MAGI3: variants seen among roughly 807,000 people sequenced by gnomAD.
The protein encoded by MAGI3 is membrane associated guanylate kinase, WW and PDZ domain containing 3, also known as membrane-associated guanylate kinase, WW and PDZ domain-containing protein 3.
In MAGI3, 43 loss-of-function variants were observed where a neutral mutation model predicts 121.8. The ratio of observed to expected loss-of-function variants is 0.35; its 90% CI spans 0.28 to 0.46. The LOEUF (loss-of-function observed/expected upper bound fraction) is 0.46, where lower values mean the gene tolerates loss of function less well. MAGI3 is among the 20% of genes least tolerant of loss of function. MAGI3 has a pLI of 1.00. For synonymous variants in MAGI3, 553 were observed against 639.3 expected (o/e 0.86, Z 2.04); for missense variants, 1,547 against 1,797.3 (o/e 0.86, Z 2.52).
At chr1:113,531,266 T>C (rs1658706680) in intron 1 of MAGI3, among the ~76,000 whole-genome samples, 1 of 152,244 alleles carries the variant, frequency 6.6e-6, no homozygotes, top group South Asian at 2.1e-4. Flanking sequence ...AACAATTATT[T>C]AGAATTTAGA....
At chr1:113,437,889 TCTC>T (rs1557757267) in intron 1 of MAGI3, among the ~76,000 whole-genome samples, 10 of 3,706 alleles carry the variant, frequency 2.7e-3, no homozygotes, top group Admixed American at 4.3e-3. Context: ...TCCTTCTCCT[TCTC>T]CTTCTCCTTC....
At chr1:113,405,986 C>G (rs2027537) in intron 1 of MAGI3, among the ~76,000 whole-genome samples, 23,588 of 151,848 alleles carry the variant, frequency 0.16, 2,831 homozygotes, top group East Asian at 0.63. Context: ...CCAGAACATC[C>G]GTATATATGT....
rs1453998554 is a variant in MAGI3 at position 113,651,261 on chromosome 1, C to T, written c.2440+55C>T. On this transcript the variant is annotated intron_variant, in intron 14 of 20. Transcript: ENST00000307546. ...TTAAAAAAGAAACAAAGATACTAGT[C>T]TACTTCCTGTGTAGTTTTGCAGGTT... is the stretch of plus-strand genomic sequence containing the variant. 5 of 1,487,882 alleles carry T rather than the reference C, an allele frequency of 3.4e-6. No homozygotes were observed. In the East Asian group the frequency reaches 1.1e-4, roughly 34 times the overall value. The allele number at this position is 1,487,882 out of a possible 1,614,324, so 92.2% of individuals were successfully genotyped here.
intron 2 of MAGI3, among the ~76,000 whole-genome samples, chr1:113,573,918 G>T (rs1354420966): frequency 6.6e-6 from 1 of 152,146 alleles, no homozygotes; most frequent in Non-Finnish European, 1.5e-5. Context: ...AGCTCTTGTT[G>T]CATGGATCCC....
At chr1:113,436,106 G>T (rs1194001218) in intron 1 of MAGI3, among the ~76,000 whole-genome samples, 1 of 151,960 alleles carries the variant, frequency 6.6e-6, no homozygotes, top group Non-Finnish European at 1.5e-5. Flanking sequence ...TCAAAATGAT[G>T]AATAATTGTT....
chr1:113,469,721 G>C (rs982418465), intron 1 of MAGI3, among the ~76,000 whole-genome samples: 9 of 152,036 alleles, frequency 5.9e-5, no homozygotes, highest in African/African-American at 2.2e-4. Flanking sequence ...AGAGATTTCT[G>C]CTTGGTAATA....
At chr1:113,582,488 A>G (rs951671437) in intron 3 of MAGI3, among the ~76,000 whole-genome samples, 18 of 152,074 alleles carry the variant, frequency 1.2e-4, no homozygotes, top group Non-Finnish European at 1.5e-4. Flanking sequence ...AGGTCTTAAG[A>G]GGCATAAAAA....
chr1:113,449,781 A>G, intron 1 of MAGI3: 1 of 1,078,106 alleles, frequency 9.3e-7, no homozygotes, highest in Non-Finnish European at 1.4e-6. Flanking sequence ...TACAGATGAT[A>G]GTTTAAGAGA....
intron 1 of MAGI3, among the ~76,000 whole-genome samples, chr1:113,466,097 A>G (rs751595897): frequency 6.6e-6 from 1 of 152,084 alleles, no homozygotes; most frequent in African/African-American, 2.4e-5. Context: ...AAGATCTTCA[A>G]TATTTCACCT....
intron 7 of MAGI3, among the ~76,000 whole-genome samples, chr1:113,618,327 T>A (rs1302074529): frequency 1.3e-5 from 2 of 151,630 alleles, no homozygotes; most frequent in African/African-American, 4.8e-5. Flanking sequence ...ACAGAATGAG[T>A]GCCTGTCTCC....
chr1:113,619,457 G>A (rs552055585), intron 7 of MAGI3, among the ~76,000 whole-genome samples: 75 of 152,204 alleles, frequency 4.9e-4, no homozygotes, highest in African/African-American at 1.7e-3. Context: ...AGATAAGAAG[G>A]CTATAGTTTT....
chr1:113,511,526 G>A (rs773863780), intron 1 of MAGI3, among the ~76,000 whole-genome samples: 3 of 152,206 alleles, frequency 2.0e-5, no homozygotes, highest in Non-Finnish European at 2.9e-5. Flanking sequence ...ACCGAGCAGG[G>A]TATGGCAGGG....
At chr1:113,614,680 A>T (rs1650352144) in intron 7 of MAGI3, 22 bp downstream of exon 7, 2 of 1,539,682 alleles carry the variant, frequency 1.3e-6, no homozygotes, top group African/African-American at 2.7e-5. Flanking sequence ...ACCTCAGTTA[A>T]TATTCTCCCA....
chr1:113,617,532 A>C (rs947785248), intron 7 of MAGI3, among the ~76,000 whole-genome samples: 2 of 152,168 alleles, frequency 1.3e-5, no homozygotes, highest in African/African-American at 4.8e-5. Flanking sequence ...AGTAAATCTT[A>C]TATTCTTTTG....
chr1:113,594,738 A>G (rs1367237348), intron 6 of MAGI3, among the ~76,000 whole-genome samples, 178 bp downstream of exon 6: 1 of 152,234 alleles, frequency 6.6e-6, no homozygotes, highest in Non-Finnish European at 1.5e-5. Flanking sequence ...ATCTAACTTT[A>G]TGAGAGATTT....
intron 3 of MAGI3, 68 bp from the exon 4 acceptor site, chr1:113,585,319 A>T: frequency 7.0e-7 from 1 of 1,431,464 alleles, no homozygotes; most frequent in Non-Finnish European, 9.8e-7. Flanking sequence ...AGAGACATAC[A>T]CTAGGTCAAA....
chr1:113,578,009 T>G (rs1001610005), intron 2 of MAGI3, among the ~76,000 whole-genome samples: 5 of 115,676 alleles, frequency 4.3e-5, no homozygotes, highest in African/African-American at 9.4e-5. Flanking sequence ...ATAGTGATGT[T>G]TATTTCTCAT....
chr1:113,624,501 A>G (rs1651097756), intron 9 of MAGI3, among the ~76,000 whole-genome samples: 2 of 152,174 alleles, frequency 1.3e-5, no homozygotes, highest in South Asian at 4.1e-4. Context: ...TATGTCTTCT[A>G]TGTCTTCTTC....
At chr1:113,432,049 G>A (rs1653327306) in intron 1 of MAGI3, among the ~76,000 whole-genome samples, 1 of 152,098 alleles carries the variant, frequency 6.6e-6, no homozygotes, top group Admixed American at 6.6e-5. Context: ...AGACCTTTAT[G>A]GAAACTTAAT....
Sources: gnomAD v4.1 joint callset for allele counts (sites outside exome capture counted in the v4.1 genomes callset) on GRCh38, gnomAD v4.1.1 for gene constraint, MANE v1.5 for transcripts, NCBI Gene and HGNC (gene_info 2026-07-23, HGNC 2026-07-21) for gene names.